The following RAP1GDS1 variants were observed in gnomAD, a reference collection of about 807,000 sequenced individuals.
The protein encoded by RAP1GDS1 is RAP1, GTP-GDP dissociation stimulator 1.
A neutral mutation model predicts 71.1 loss-of-function variants in RAP1GDS1; 35 were observed. The ratio of observed to expected loss-of-function variants is 0.49; its 90% CI spans 0.38 to 0.65. RAP1GDS1 has a LOEUF of 0.65. Among genes scored for constraint, RAP1GDS1 ranks in the 30% least tolerant of loss-of-function variants. The pLI, the probability that RAP1GDS1 is intolerant of heterozygous loss-of-function variation, is 0.00. For synonymous variants in RAP1GDS1, 229 were observed against 243.1 expected, an observed-to-expected ratio of 0.94 and a Z score of 0.54; for missense variants, 663 against 706.1, an observed-to-expected ratio of 0.94 and a Z score of 0.69.
At chr4:98,437,256 C>T (rs1340665309) in intron 14 of RAP1GDS1, among the ~76,000 whole-genome samples, 188 bp downstream of exon 14, 3 of 152,148 alleles carry the variant, frequency 2.0e-5, no homozygotes, top group Admixed American at 6.5e-5. Flanking sequence ...CATTGAAAAT[C>T]TTCTCTTCTA....
chr4:98,325,139 G>A (rs1398035297), intron 2 of RAP1GDS1, among the ~76,000 whole-genome samples: 1 of 151,834 alleles, frequency 6.6e-6, no homozygotes, highest in Non-Finnish European at 1.5e-5. Context: ...CTCAAAAGAA[G>A]ACATTTATGC....
chr4:98,329,203 G>C (rs758983047), intron 2 of RAP1GDS1, among the ~76,000 whole-genome samples: 6 of 152,224 alleles, frequency 3.9e-5, no homozygotes, highest in Middle Eastern at 3.4e-3. Context: ...AATTGGGGGG[G>C]CAGTCAAATA....
At chr4:98,283,184 T>G (rs1725435515) in intron 1 of RAP1GDS1, among the ~76,000 whole-genome samples, 1 of 152,224 alleles carries the variant, frequency 6.6e-6, no homozygotes, top group Admixed American at 6.6e-5. Flanking sequence ...AATGCAAAAC[T>G]TACATTGATG....
intron 2 of RAP1GDS1, among the ~76,000 whole-genome samples, chr4:98,301,656 G>A (rs906956721): frequency 6.6e-6 from 1 of 152,112 alleles, no homozygotes; most frequent in African/African-American, 2.4e-5. Flanking sequence ...GGAACCAGGA[G>A]CCCAAGGGTA....
intron 2 of RAP1GDS1, among the ~76,000 whole-genome samples, chr4:98,327,760 G>T (rs778448546): frequency 2.0e-5 from 3 of 152,184 alleles, no homozygotes; most frequent in Non-Finnish European, 1.5e-5. Context: ...AGGAATCAGT[G>T]TTAAAATTTT....
intron 4 of RAP1GDS1, among the ~76,000 whole-genome samples, chr4:98,358,148 TTAATC>T (rs1337346833): frequency 2.6e-5 from 4 of 152,056 alleles, no homozygotes; most frequent in African/African-American, 9.6e-5. Context: ...TTTTAGTTCT[TTAATC>T]AAACAACTTT....
intron 11 of RAP1GDS1, 113 bp downstream of exon 11, chr4:98,420,257 C>T (rs1343043094): frequency 1.9e-6 from 2 of 1,064,262 alleles, no homozygotes; most frequent in Admixed American, 3.4e-5. Context: ...TAAAAAATAG[C>T]AAATAAAAGA....
At chr4:98,408,013 A>C (rs1005424387) in intron 7 of RAP1GDS1, among the ~76,000 whole-genome samples, 1 of 151,986 alleles carries the variant, frequency 6.6e-6, no homozygotes, top group Non-Finnish European at 1.5e-5. Context: ...AAAATTAAGA[A>C]TGCAAGAGGA....
At chr4:98,308,946 G>A (rs1729801419) in intron 2 of RAP1GDS1, among the ~76,000 whole-genome samples, 1 of 151,922 alleles carries the variant, frequency 6.6e-6, no homozygotes, top group Non-Finnish European at 1.5e-5. Flanking sequence ...ACACTTACAA[G>A]GTCGTATTAT....
intron 2 of RAP1GDS1, among the ~76,000 whole-genome samples, chr4:98,310,805 T>C (rs1464390531): frequency 1.4e-5 from 2 of 147,310 alleles, no homozygotes; most frequent in African/African-American, 2.6e-5. Context: ...CAAAGACTTA[T>C]TGCTAAAAAA....
intron 4 of RAP1GDS1, among the ~76,000 whole-genome samples, chr4:98,354,847 G>A (rs1415227763): frequency 6.6e-6 from 1 of 152,106 alleles, no homozygotes; most frequent in East Asian, 1.9e-4. Flanking sequence ...TCAGGAAAAT[G>A]AAGTTTGAAG....
At chr4:98,369,486 G>A (rs1257952731) in intron 4 of RAP1GDS1, among the ~76,000 whole-genome samples, 1 of 152,050 alleles carries the variant, frequency 6.6e-6, no homozygotes, top group Non-Finnish European at 1.5e-5. Context: ...TATTTGAGTG[G>A]ATAAAAGATA....
intron 14 of RAP1GDS1, chr4:98,441,313 TAATTG>T: frequency 1.0e-6 from 1 of 974,530 alleles, no homozygotes; most frequent in Non-Finnish European, 1.2e-6. Context: ...TATTTTCTTG[TAATTG>T]AAGTTAAATA....
At chr4:98,298,761 CTTA>C (rs774773474) in intron 2 of RAP1GDS1, among the ~76,000 whole-genome samples, 1 of 151,998 alleles carries the variant, frequency 6.6e-6, no homozygotes. Flanking sequence ...ATTTCGAAGC[CTTA>C]TTATACATTT....
chr4:98,391,891 A>G (rs1743737746), intron 5 of RAP1GDS1, 61 bp from the exon 6 acceptor site: 4 of 1,435,962 alleles, frequency 2.8e-6, no homozygotes, highest in Middle Eastern at 2.4e-4. Context: ...TTCTTCTTAT[A>G]ATGTTCATTT....
At chr4:98,363,326 A>G (rs896469537) in intron 4 of RAP1GDS1, among the ~76,000 whole-genome samples, 2 of 151,858 alleles carry the variant, frequency 1.3e-5, no homozygotes, top group African/African-American at 4.8e-5. Flanking sequence ...TGTCTCTACA[A>G]AATAAAAAAT....
intron 1 of RAP1GDS1, among the ~76,000 whole-genome samples, chr4:98,275,810 T>A (rs1207238247): frequency 6.6e-6 from 1 of 152,188 alleles, no homozygotes; most frequent in Non-Finnish European, 1.5e-5. Flanking sequence ...TTGGGTTCCC[T>A]AAGTTTTAGC....
At chr4:98,407,468 TAC>T (rs568505447) in intron 7 of RAP1GDS1, among the ~76,000 whole-genome samples, 2,319 of 148,404 alleles carry the variant, frequency 0.016, 47 homozygotes, top group African/African-American at 0.051. Context: ...GGGGTGTGTA[TAC>T]ACACACACAC....
At chr4:98,362,180 C>A (rs1045582751) in intron 4 of RAP1GDS1, among the ~76,000 whole-genome samples, 4 of 152,160 alleles carry the variant, frequency 2.6e-5, no homozygotes, top group African/African-American at 9.7e-5. Flanking sequence ...TTAACTTTAT[C>A]TTGAAAAACA....
Sources: allele counts gnomAD v4.1 joint callset (sites outside exome capture counted in the v4.1 genomes callset), GRCh38; gene constraint gnomAD v4.1.1; transcripts MANE v1.5; gene names NCBI Gene and HGNC (gene_info 2026-07-23, HGNC 2026-07-21).